ANO2: variants seen among roughly 807,000 people sequenced by gnomAD.
The protein encoded by ANO2 is anoctamin-2.
In ANO2, 101 loss-of-function variants were observed where a neutral mutation model predicts 124.2. That is an observed-to-expected ratio of 0.81 (90% CI 0.69 to 0.96). The LOEUF (loss-of-function observed/expected upper bound fraction) is 0.96, where lower values mean the gene tolerates loss of function less well. Among genes scored for constraint, ANO2 ranks in the 40% least tolerant of loss-of-function variants. The pLI is 0.00. For missense variants in ANO2, 1,293 were observed against 1,274.5 expected (o/e 1.01, Z -0.22); for synonymous variants, 486 against 482.5 (o/e 1.01, Z -0.09).
At chr12:5,828,399 C>T (rs1043441297) in intron 6 of ANO2, among the ~76,000 whole-genome samples, 1 of 152,188 alleles carries the variant, frequency 6.6e-6, no homozygotes, top group Admixed American at 6.5e-5. Flanking sequence ...GGGGCCATCT[C>T]GCCCACCTGC....
intron 7 of ANO2, among the ~76,000 whole-genome samples, chr12:5,819,521 A>G (rs1953716828): frequency 1.3e-5 from 2 of 152,158 alleles, no homozygotes; most frequent in Admixed American, 6.5e-5. Context: ...TAGCTGAAAT[A>G]TGGATTAAAA....
Position 5,922,648 on chromosome 12 carries a change from C to T in ANO2, c.179G>A (p.Cys60Tyr). ...GGSNRDPGQP[C>Y]GGESTRSSSV... is the part of the protein sequence containing the mutation. Reference sequence around the variant, plus strand: ...GCTGCTGCGGGTGCTCTCTCCACCGCAGGGCTGGCCAGGATCTCTGTTGGA... The same window carrying T: ...GCTGCTGCGGGTGCTCTCTCCACCGTAGGGCTGGCCAGGATCTCTGTTGGA... Residue 60 changes from cysteine to tyrosine, a missense_variant, in exon 2 of 25, where the codon TGC becomes TAC. Cys to Tyr is a radical substitution (Grantham distance 194). Transcript: ENST00000682330. 1 of 1,551,918 alleles carries T rather than the reference C, an allele frequency of 6.4e-7. No homozygotes were observed. The highest frequency in any genetic ancestry group is 1.2e-5 in the South Asian group (1 of 84,504).
intron 15 of ANO2, among the ~76,000 whole-genome samples, chr12:5,646,557 T>A (rs1049317659): frequency 6.6e-6 from 1 of 152,242 alleles, no homozygotes; most frequent in African/African-American, 2.4e-5. Context: ...ATCGTTTGAC[T>A]CATTAAATAT....
chr12:5,704,693 G>A (rs1236503200), intron 14 of ANO2, among the ~76,000 whole-genome samples: 1 of 130,716 alleles, frequency 7.7e-6, no homozygotes, highest in South Asian at 2.3e-4. Context: ...TGCTTGGTGT[G>A]TGTATGTGTG....
chr12:5,615,762 T>G (rs1445794967), intron 16 of ANO2, among the ~76,000 whole-genome samples: 2 of 152,170 alleles, frequency 1.3e-5, no homozygotes, highest in Non-Finnish European at 2.9e-5. Flanking sequence ...CCTCTTTCTC[T>G]CCTTCATTTT....
intron 3 of ANO2, among the ~76,000 whole-genome samples, chr12:5,886,551 G>T (rs930444201): frequency 2.0e-5 from 3 of 152,172 alleles, no homozygotes; most frequent in African/African-American, 7.2e-5. Context: ...TAAGAGGCTA[G>T]ATCTCATGTT....
chr12:5,612,070 T>G (rs749227161), intron 19 of ANO2, among the ~76,000 whole-genome samples: 1 of 152,258 alleles, frequency 6.6e-6, no homozygotes, highest in African/African-American at 2.4e-5. Flanking sequence ...TGCTCCATCT[T>G]TCTTTCTTTT....
rs186611972 is a variant in ANO2, at chr12:5,721,109, A to G, written c.1545+11411T>C. Among the ~76,000 whole-genome samples, 12 of 152,332 alleles carry G rather than the reference A, an allele frequency of 7.9e-5. No individual in the cohort carries two copies. The East Asian group carries it at 2.3e-3, about 29-fold the overall frequency. ...GTAAAGCAACGTCTCCTGGATTAGAAGTTGTAGGGTTTATTTTTAAATACC... is the reference window on the plus strand; with the variant it reads ...GTAAAGCAACGTCTCCTGGATTAGAGGTTGTAGGGTTTATTTTTAAATACC... On this transcript the variant is annotated intron_variant, in intron 14 of 24. Transcript: ENST00000682330.
At position 5,777,352 on chromosome 12, in the gene ANO2, C is replaced by G. The variant is rs542824246; in HGVS notation, c.1055+22155G>C. On this transcript the variant is annotated intron_variant, in intron 10 of 24. Coordinates refer to ENST00000682330, the MANE Select transcript of ANO2 (RefSeq NM_001364791.2). The stretch of plus-strand genomic sequence containing the variant: ...AAAGATTCAAGCATTTGTCCTTCAC[C>G]TCATGTTGATGATACAGAGAAAGAG... 2.0e-5 allele frequency among the ~76,000 whole-genome samples: 3 copies of G among 152,252 alleles called. No individual in the cohort carries two copies. The East Asian group carries it at 5.8e-4, about 29-fold the overall frequency.
At chr12:5,784,682 T>A (rs533438199) in intron 10 of ANO2, among the ~76,000 whole-genome samples, 70 of 151,932 alleles carry the variant, frequency 4.6e-4, no homozygotes, top group African/African-American at 1.7e-3. Context: ...TTCCTAAACC[T>A]CCTCCCTGAG....
Position 5,933,981 on chromosome 12 carries a change from T to C in ANO2, c.23-11177A>G, listed in dbSNP as rs140983833. Among the ~76,000 whole-genome samples the C allele has an allele frequency of 4.4e-3, 671 of 152,360 alleles. 4 individuals are homozygous for C. The highest frequency in any genetic ancestry group is 0.015 in the African/African-American group (611 of 41,582). Reference sequence around the variant, plus strand: ...CTCTAAAAGCTTTTGGAGGTAACGATGTAGGGAACTGAGGAATCCTTTCTT... The same window carrying C: ...CTCTAAAAGCTTTTGGAGGTAACGACGTAGGGAACTGAGGAATCCTTTCTT... On this transcript the variant is annotated intron_variant, in intron 1 of 24. Transcript: ENST00000682330.
intron 3 of ANO2, among the ~76,000 whole-genome samples, chr12:5,906,046 G>C (rs1445590952): frequency 6.6e-6 from 1 of 152,190 alleles, no homozygotes; most frequent in Admixed American, 6.5e-5. Flanking sequence ...TGAGGAAGGA[G>C]ATGGGAGAAC....
At chr12:5,601,959 G>A (rs1943961526) in intron 19 of ANO2, among the ~76,000 whole-genome samples, 1 of 152,172 alleles carries the variant, frequency 6.6e-6, no homozygotes, top group Non-Finnish European at 1.5e-5. Flanking sequence ...AGGAGTTGGA[G>A]GCACCAGGTA....
At chr12:5,609,989 A>G (rs1944407734) in intron 19 of ANO2, among the ~76,000 whole-genome samples, 1 of 141,806 alleles carries the variant, frequency 7.1e-6, no homozygotes, top group African/African-American at 2.6e-5. Context: ...ATGCATTTAT[A>G]TATTTATATA....
chr12:5,798,291 C>A (rs1037891323), intron 10 of ANO2, among the ~76,000 whole-genome samples: 1 of 152,090 alleles, frequency 6.6e-6, no homozygotes, highest in South Asian at 2.1e-4. Context: ...GCTCCCCCAC[C>A]CAAGACCTTG....
chr12:5,648,301 C>T (rs1351856678), intron 14 of ANO2, among the ~76,000 whole-genome samples: 1 of 152,184 alleles, frequency 6.6e-6, no homozygotes, highest in African/African-American at 2.4e-5. Flanking sequence ...AAAATACCAA[C>T]CACTGATCTC....
chr12:5,796,165 A>T (rs1293882310), intron 10 of ANO2, among the ~76,000 whole-genome samples: 1 of 151,136 alleles, frequency 6.6e-6, no homozygotes, highest in Non-Finnish European at 1.5e-5. Flanking sequence ...ACAATCGCTC[A>T]TTCATACACA....
intron 20 of ANO2, among the ~76,000 whole-genome samples, chr12:5,579,815 C>CA (rs1172759463): frequency 6.6e-6 from 1 of 152,208 alleles, no homozygotes; most frequent in Non-Finnish European, 1.5e-5. Context: ...TGTCCCCTGC[C>CA]ACATTAGTTC....
intron 14 of ANO2, among the ~76,000 whole-genome samples, chr12:5,662,362 G>A (rs986856772): frequency 1.3e-5 from 2 of 152,166 alleles, no homozygotes; most frequent in Admixed American, 1.3e-4. Flanking sequence ...TCAAAGCAGA[G>A]GTGCCAGGCT....
Sources: allele counts gnomAD v4.1 joint callset (sites outside exome capture counted in the v4.1 genomes callset), GRCh38; gene constraint gnomAD v4.1.1; transcripts MANE v1.5; gene names NCBI Gene and HGNC (gene_info 2026-07-23, HGNC 2026-07-21).